RPS6KC1: variants seen among roughly 807,000 people sequenced by gnomAD.
RPS6KC1 encodes ribosomal protein S6 kinase C1.
In RPS6KC1, 54 loss-of-function variants were observed where a neutral mutation model predicts 103.8. That is an observed-to-expected ratio of 0.52 (90% confidence interval 0.42 to 0.65). The LOEUF is 0.65. Ranked by LOEUF, RPS6KC1 falls within the 30% of genes least tolerant of loss-of-function variation. The probability of loss-of-function intolerance (pLI) is 0.00; values close to 1 mark genes in which losing one functional copy is unlikely to be tolerated. For missense variants in RPS6KC1, 1,151 were observed against 1,253.8 expected (o/e 0.92, Z 1.24); for synonymous variants, 439 against 438.7 (o/e 1.00, Z -0.01).
intron 3 of RPS6KC1, among the ~76,000 whole-genome samples, chr1:213,080,088 T>A (rs569010027): frequency 6.6e-6 from 1 of 152,080 alleles, no homozygotes; most frequent in South Asian, 2.1e-4. Context: ...AGCTAATTTT[T>A]TGTATTTTTA....
the RPS6KC1 span, among the ~76,000 whole-genome samples, chr1:213,670,555 G>C: frequency 6.6e-6 from 1 of 152,236 alleles, no homozygotes; most frequent in Non-Finnish European, 1.5e-5. Context: ...CTCAGGAACA[G>C]ACAGCAAAGA....
chr1:213,257,349 C>T (rs950386798), intron 12 of RPS6KC1, among the ~76,000 whole-genome samples: 2 of 152,190 alleles, frequency 1.3e-5, no homozygotes, highest in Admixed American at 6.5e-5. Context: ...ATCCTCTGCT[C>T]AGTTTTAACG....
chr1:213,270,564 C>G (rs998259099), intron 14 of RPS6KC1, among the ~76,000 whole-genome samples: 1 of 151,728 alleles, frequency 6.6e-6, no homozygotes, highest in East Asian at 1.9e-4. Flanking sequence ...CCTCTTGAGC[C>G]CAGAAGTTTG....
At chr1:213,558,149 C>T in the RPS6KC1 span, among the ~76,000 whole-genome samples, 5 of 152,196 alleles carry the variant, frequency 3.3e-5, no homozygotes, top group African/African-American at 1.2e-4. Flanking sequence ...TTTTCTTCCA[C>T]CTGTTTGCAT....
At chr1:213,207,091 A>G (rs2093371371) in intron 8 of RPS6KC1, among the ~76,000 whole-genome samples, 1 of 152,210 alleles carries the variant, frequency 6.6e-6, no homozygotes, top group Admixed American at 6.5e-5. Context: ...CCTGGGCATC[A>G]GAGTGAGACT....
chr1:213,493,233 T>C, the RPS6KC1 span, among the ~76,000 whole-genome samples: 2 of 152,248 alleles, frequency 1.3e-5, no homozygotes, highest in Non-Finnish European at 1.5e-5. Context: ...ATGAAGCTTA[T>C]GACTTTGTGT....
chr1:213,360,741 C>G, the RPS6KC1 span, among the ~76,000 whole-genome samples: 7 of 152,102 alleles, frequency 4.6e-5, no homozygotes, highest in South Asian at 6.2e-4. Context: ...GTTTTGGTGT[C>G]GATGTCCTTT....
chr1:213,567,729 G>T, the RPS6KC1 span, among the ~76,000 whole-genome samples: 3 of 152,180 alleles, frequency 2.0e-5, no homozygotes, highest in South Asian at 6.2e-4. Context: ...GGAAATACAC[G>T]TGTAGAGGGA....
rs777347529 is a variant in RPS6KC1 at position 213,241,645 on chromosome 1, T to A, written c.2169T>A (p.Asn723Lys). ...AAACTAATATAGGGATAATAGAAAA[T>A]AAACTCTTGGAAGCCCCTGATGTTT... Reference protein sequence around the residue: ...FTQTNIGIIENKLLEAPDVLC... With the variant: ...FTQTNIGIIEKKLLEAPDVLC... Residue 723 changes from asparagine (N) to lysine (K), a missense_variant, in exon 11 of 15, where the codon AAT (asparagine) becomes AAA (lysine). Around this residue, in one of 3 missense-constraint regions of RPS6KC1, gnomAD observed 959 missense variants for 1,006.3 expected, o/e 0.95. Transcript: ENST00000366960. 9.9e-6 allele frequency: 16 copies of A among 1,613,664 alleles called. No individual in the cohort carries two copies. In the African/African-American group the frequency reaches 1.9e-4, roughly 19 times the overall value.
At chr1:213,755,058 G>A in the RPS6KC1 span, among the ~76,000 whole-genome samples, 4,767 of 152,254 alleles carry the variant, frequency 0.031, 100 homozygotes, top group South Asian at 0.069. Context: ...TACACTTAAG[G>A]TGATAGTCAT....
chr1:213,363,697 T>TC, the RPS6KC1 span, among the ~76,000 whole-genome samples: 1 of 102,556 alleles, frequency 9.8e-6, no homozygotes, highest in African/African-American at 5.2e-5. Context: ...TTTCTTTCTT[T>TC]CTTTCCTTCT....
chr1:213,303,895 A>C, the RPS6KC1 span, among the ~76,000 whole-genome samples: 1 of 152,144 alleles, frequency 6.6e-6, no homozygotes, highest in South Asian at 2.1e-4. Context: ...CCATTGCCTG[A>C]ATTGCGTTTA....
chr1:213,808,863 C>T, the RPS6KC1 span, among the ~76,000 whole-genome samples: 1 of 152,248 alleles, frequency 6.6e-6, no homozygotes, highest in Admixed American at 6.5e-5. Context: ...AATCACCCGT[C>T]TTCTGCATCG....
the RPS6KC1 span, among the ~76,000 whole-genome samples, chr1:213,291,650 C>T: frequency 2.6e-5 from 4 of 152,200 alleles, no homozygotes; most frequent in African/African-American, 9.6e-5. Context: ...AGCGTGTTTG[C>T]AGCACTGCAT....
intron 2 of RPS6KC1, among the ~76,000 whole-genome samples, chr1:213,074,980 G>C (rs1048223495): frequency 6.8e-6 from 1 of 146,810 alleles, no homozygotes; most frequent in African/African-American, 2.5e-5. Context: ...AGCCTCCCTA[G>C]TGCTGGGACT....
the RPS6KC1 span, among the ~76,000 whole-genome samples, chr1:213,320,153 T>C: frequency 2.0e-5 from 3 of 152,284 alleles, no homozygotes; most frequent in East Asian, 5.8e-4. Context: ...GCTAACCTGG[T>C]TGAAGAACTT....
At chr1:213,292,784 TA>T in the RPS6KC1 span, among the ~76,000 whole-genome samples, 1 of 152,220 alleles carries the variant, frequency 6.6e-6, no homozygotes, top group Non-Finnish European at 1.5e-5. Flanking sequence ...CAGGCCCTCT[TA>T]AACTATGATC....
intron 6 of RPS6KC1, among the ~76,000 whole-genome samples, chr1:213,133,801 G>A (rs1410146188): frequency 6.6e-6 from 1 of 152,084 alleles, no homozygotes; most frequent in Non-Finnish European, 1.5e-5. Context: ...GTTGAGCTAC[G>A]ATTTTAATCT....
chr1:213,587,064 C>G, the RPS6KC1 span, among the ~76,000 whole-genome samples: 10 of 152,208 alleles, frequency 6.6e-5, no homozygotes, highest in Non-Finnish European at 1.5e-4. Context: ...AATAACTCAT[C>G]TATTCCGCAC....
Sources: gnomAD v4.1 joint callset for allele counts (sites outside exome capture counted in the v4.1 genomes callset) on GRCh38, gnomAD v4.1.1 for gene constraint, gnomAD v4.1.1 regional missense constraint, MANE v1.5 for transcripts, NCBI Gene and HGNC (gene_info 2026-07-23, HGNC 2026-07-21) for gene names.